The following NLK variants were observed in gnomAD, a reference collection of about 807,000 sequenced individuals.
The protein encoded by NLK is nemo like kinase.
NLK carries 11 observed loss-of-function variants against 59.0 expected under a neutral mutation model. The observed-to-expected ratio is 0.19, with a 90% CI of 0.12 to 0.31. The LOEUF (loss-of-function observed/expected upper bound fraction) is 0.31, where lower values mean the gene tolerates loss of function less well. NLK is among the 10% of genes least tolerant of loss of function. NLK has a pLI of 1.00. For synonymous variants in NLK, 235 were observed against 235.9 expected (o/e 1.00, Z 0.03); for missense variants, 410 against 661.1 (o/e 0.62, Z 4.16).
At chr17:28,140,591 C>T (rs1351351518) in intron 3 of NLK, among the ~76,000 whole-genome samples, 3 of 152,118 alleles carry the variant, frequency 2.0e-5, no homozygotes, top group Non-Finnish European at 4.4e-5. Context: ...TCTAACTTTA[C>T]CCTCAGCAAA....
At position 28,167,319 on chromosome 17, in the gene NLK, C is replaced by T. The variant is rs189058734; in HGVS notation, c.838-1129C>T. Among the ~76,000 whole-genome samples the T allele has an allele frequency of 3.1e-4, 47 of 152,132 alleles. No homozygotes were observed. In the East Asian group the frequency reaches 7.5e-3, roughly 24 times the overall value. Reference sequence around the variant, plus strand: ...TGGCACAGTAATAGCTCACTGTAGCCTCAAACTCCTGGGCTCAAGCAGTCC... The same window carrying T: ...TGGCACAGTAATAGCTCACTGTAGCTTCAAACTCCTGGGCTCAAGCAGTCC... On this transcript the variant is annotated intron_variant, in intron 5 of 10. Transcript: ENST00000407008.
At chr17:28,061,252 G>C (rs1364355168) in intron 1 of NLK, among the ~76,000 whole-genome samples, 1 of 152,126 alleles carries the variant, frequency 6.6e-6, no homozygotes, top group Non-Finnish European at 1.5e-5. Flanking sequence ...GTAATTCTAT[G>C]AGCTATTTTT....
intron 3 of NLK, among the ~76,000 whole-genome samples, chr17:28,135,617 G>T (rs1906711865): frequency 1.3e-5 from 2 of 152,200 alleles, no homozygotes; most frequent in Non-Finnish European, 1.5e-5. Flanking sequence ...GCAGGGTTTG[G>T]ACAGCCCAGG....
intron 1 of NLK, chr17:28,116,526 ATTAT>A (rs1262302526): frequency 6.6e-6 from 1 of 152,254 alleles, no homozygotes; most frequent in Admixed American, 6.5e-5. Context: ...GTATTAAGTA[ATTAT>A]TAAAATATTA....
intron 1 of NLK, among the ~76,000 whole-genome samples, chr17:28,080,181 G>A (rs1398005229): frequency 2.6e-5 from 4 of 152,132 alleles, no homozygotes; most frequent in South Asian, 2.1e-4. Context: ...GTCAGGCACC[G>A]TCGCTCATGT....
chr17:28,104,869 G>T (rs1317619016), intron 1 of NLK, among the ~76,000 whole-genome samples: 2 of 152,112 alleles, frequency 1.3e-5, no homozygotes, highest in Admixed American at 6.5e-5. Flanking sequence ...GCCAAAGAAA[G>T]AAACTAAGAA....
intron 1 of NLK, among the ~76,000 whole-genome samples, chr17:28,077,073 CTTTTTTTTTTTTT>C (rs35639099): frequency 2.4e-5 from 1 of 42,488 alleles, no homozygotes; most frequent in South Asian, 1.2e-3. Flanking sequence ...CTCTTTCTTT[CTTTTTTTTTTTTT>C]TTTTTTTTTT....
intron 1 of NLK, among the ~76,000 whole-genome samples, chr17:28,071,804 A>G (rs1175998431): frequency 1.3e-5 from 2 of 152,208 alleles, no homozygotes; most frequent in Non-Finnish European, 2.9e-5. Context: ...ATTAAGTCAA[A>G]TATCTTCAGC....
chr17:28,129,324 A>C (rs1038062310), intron 2 of NLK, among the ~76,000 whole-genome samples: 3 of 152,106 alleles, frequency 2.0e-5, no homozygotes, highest in Non-Finnish European at 2.9e-5. Context: ...ATGGTGGCGC[A>C]TGCCCGTAGT....
intron 1 of NLK, among the ~76,000 whole-genome samples, chr17:28,058,943 T>G (rs1198976056): frequency 6.6e-6 from 1 of 151,984 alleles, no homozygotes; most frequent in Non-Finnish European, 1.5e-5. Flanking sequence ...CTGGGCAACA[T>G]GACAAAACCC....
intron 1 of NLK, among the ~76,000 whole-genome samples, chr17:28,105,204 C>A (rs563514234): frequency 4.5e-4 from 69 of 152,278 alleles, no homozygotes; most frequent in African/African-American, 1.5e-3. Flanking sequence ...GAAACAGGGA[C>A]CTTTTTTCAC....
chr17:28,087,199 C>T (rs1265257006), intron 1 of NLK, among the ~76,000 whole-genome samples: 1 of 152,086 alleles, frequency 6.6e-6, no homozygotes, highest in Non-Finnish European at 1.5e-5. Flanking sequence ...AAAATTACTA[C>T]CACATTTCTA....
In NLK at chr17:28,102,044, A is replaced by G. The variant is rs546923713; in HGVS notation, c.459-20559A>G. ...AAAGTGTATCACTTATAGACAGCAT[A>G]TGATTGGGTATTGTTTCTTTGTCCA... is the stretch of plus-strand genomic sequence containing the variant. On this transcript the variant is annotated intron_variant, in intron 1 of 10. Transcript: ENST00000407008. Among the ~76,000 whole-genome samples the G allele has an allele frequency of 8.8e-4, 134 of 152,306 alleles. 3 individuals carry two copies. In the South Asian group the frequency reaches 0.026, roughly 30 times the overall value.
chr17:28,141,241 TC>T (rs1906978414), intron 3 of NLK, among the ~76,000 whole-genome samples: 1 of 152,212 alleles, frequency 6.6e-6, no homozygotes, highest in African/African-American at 2.4e-5. Context: ...AGAAACAGAC[TC>T]TTTGATATAC....
chr17:28,143,663 G>A (rs756358785), intron 3 of NLK, among the ~76,000 whole-genome samples: 2 of 152,132 alleles, frequency 1.3e-5, no homozygotes, highest in African/African-American at 2.4e-5. Flanking sequence ...AGTTTTTAAC[G>A]CATCATTAGA....
intron 3 of NLK, among the ~76,000 whole-genome samples, chr17:28,155,213 CTTATA>C (rs1345550447): frequency 1.3e-5 from 2 of 151,842 alleles, no homozygotes; most frequent in South Asian, 2.1e-4. Flanking sequence ...TTTTTAGAAC[CTTATA>C]TTTTATTAAA....
intron 1 of NLK, among the ~76,000 whole-genome samples, chr17:28,080,829 T>C (rs868569825): frequency 6.6e-6 from 1 of 152,196 alleles, no homozygotes; most frequent in African/African-American, 2.4e-5. Context: ...TTAATGTTTT[T>C]AATTGTGTGC....
chr17:28,163,671 G>T (rs1270958148), intron 5 of NLK, 43 bp downstream of exon 5: 2 of 1,131,050 alleles, frequency 1.8e-6, no homozygotes, highest in South Asian at 1.4e-5. Flanking sequence ...AAATCAGAAT[G>T]TCAGGGCAGG....
chr17:28,057,168 T>A (rs1343066653), intron 1 of NLK, among the ~76,000 whole-genome samples: 1 of 152,134 alleles, frequency 6.6e-6, no homozygotes, highest in Non-Finnish European at 1.5e-5. Flanking sequence ...TTGGTCAGCC[T>A]GGTCTCGAAC....
Sources: gnomAD v4.1 joint callset for allele counts (sites outside exome capture counted in the v4.1 genomes callset) on GRCh38, gnomAD v4.1.1 for gene constraint, MANE v1.5 for transcripts, NCBI Gene and HGNC (gene_info 2026-07-23, HGNC 2026-07-21) for gene names.